ADAMTSL1: variants seen among roughly 807,000 people sequenced by gnomAD.
ADAMTSL1 encodes the protein ADAMTS-like protein 1.
ADAMTSL1 carries 126 observed loss-of-function variants against 201.8 expected under a neutral mutation model. The observed-to-expected ratio is 0.62, with a 90% CI of 0.54 to 0.72. The LOEUF (loss-of-function observed/expected upper bound fraction) is 0.72, where lower values mean the gene tolerates loss of function less well. Ranked by LOEUF, ADAMTSL1 falls within the 30% of genes least tolerant of loss-of-function variation. The pLI, the probability that ADAMTSL1 is intolerant of heterozygous loss-of-function variation, is 0.00. For missense variants in ADAMTSL1, 2,679 were observed against 2,277.8 expected (o/e 1.18, Z -3.59); for synonymous variants, 1,121 against 903.4 (o/e 1.24, Z -4.32).
chr9:18,790,459 C>G (rs1021484705), intron 19 of ADAMTSL1, among the ~76,000 whole-genome samples: 2 of 152,216 alleles, frequency 1.3e-5, no homozygotes, highest in African/African-American at 4.8e-5. Flanking sequence ...AACCTACTCA[C>G]AGAACTTCCA....
At chr9:18,368,386 T>C (rs1378715524) in intron 2 of ADAMTSL1, among the ~76,000 whole-genome samples, 3 of 152,220 alleles carry the variant, frequency 2.0e-5, no homozygotes, top group Admixed American at 6.5e-5. Flanking sequence ...CATGCCTTTG[T>C]AGAGATGCCT....
chr9:18,898,305 C>G (rs1285161542), intron 26 of ADAMTSL1, among the ~76,000 whole-genome samples: 1 of 152,162 alleles, frequency 6.6e-6, no homozygotes, highest in Non-Finnish European at 1.5e-5. Flanking sequence ...CCAGAATAGC[C>G]AGTTTAGAGG....
At chr9:18,674,503 C>T (rs1830023189) in intron 9 of ADAMTSL1, among the ~76,000 whole-genome samples, 2 of 151,900 alleles carry the variant, frequency 1.3e-5, no homozygotes, top group African/African-American at 4.8e-5. Context: ...CATCTCCAGC[C>T]AGTGCTATTT....
chr9:17,980,330 C>G (rs923572730), intron 1 of ADAMTSL1, among the ~76,000 whole-genome samples: 2 of 152,102 alleles, frequency 1.3e-5, no homozygotes, highest in Admixed American at 1.3e-4. Flanking sequence ...CCCACCACAT[C>G]TCTTTTTATT....
intron 1 of ADAMTSL1, among the ~76,000 whole-genome samples, chr9:18,499,679 T>C (rs1245625040): frequency 6.6e-6 from 1 of 152,244 alleles, no homozygotes; most frequent in Non-Finnish European, 1.5e-5. Flanking sequence ...AAATGCTGTC[T>C]GTCTGGAAGT....
intron 3 of ADAMTSL1, among the ~76,000 whole-genome samples, chr9:18,557,679 T>TAC (rs1241628564): frequency 2.0e-5 from 3 of 152,022 alleles, no homozygotes; most frequent in African/African-American, 7.2e-5. Context: ...AGAGAAATGC[T>TAC]ACAGTCTTCT....
In ADAMTSL1 at chr9:18,337,546, G is replaced by C. The variant is rs142206485; in HGVS notation, c.208-167283G>C. On this transcript the variant is annotated intron_variant, in intron 2 of 29. Transcript: ENST00000680146. ...ATCAGTATTCTCATTTTACAGATGA[G>C]GAAACTGAGACACAGTGAAATTATA... 9.2e-3 allele frequency among the ~76,000 whole-genome samples: 1,401 copies of C among 152,210 alleles called. 23 individuals are homozygous for C. Among genetic ancestry groups the C allele is most frequent in the South Asian group, 0.048 (230 of 4,826 alleles).
chr9:17,920,612 A>G (rs1237559300), intron 1 of ADAMTSL1, among the ~76,000 whole-genome samples: 3 of 152,136 alleles, frequency 2.0e-5, no homozygotes, highest in Non-Finnish European at 4.4e-5. Context: ...TGAGGAATCC[A>G]GTTCCATTTT....
At chr9:18,082,160 C>T (rs1301951564) in intron 1 of ADAMTSL1, among the ~76,000 whole-genome samples, 1 of 152,042 alleles carries the variant, frequency 6.6e-6, no homozygotes, top group Non-Finnish European at 1.5e-5. Context: ...TTTTGGACAG[C>T]AGGTTTATAT....
intron 2 of ADAMTSL1, among the ~76,000 whole-genome samples, chr9:18,179,528 C>T (rs542570848): frequency 1.3e-5 from 2 of 152,198 alleles, no homozygotes; most frequent in African/African-American, 4.8e-5. Context: ...ACAGAGAACA[C>T]CACAAAGATA....
intron 1 of ADAMTSL1, among the ~76,000 whole-genome samples, chr9:18,072,023 T>C (rs937481536): frequency 2.6e-5 from 4 of 152,208 alleles, no homozygotes; most frequent in African/African-American, 7.2e-5. Flanking sequence ...CTAAGGCTCT[T>C]AGCTGTCCCT....
At chr9:18,422,026 C>T (rs1818976012) in intron 2 of ADAMTSL1, among the ~76,000 whole-genome samples, 1 of 152,120 alleles carries the variant, frequency 6.6e-6, no homozygotes, top group Non-Finnish European at 1.5e-5. Context: ...TGATACAGAA[C>T]TAAATAAAAT....
intron 1 of ADAMTSL1, among the ~76,000 whole-genome samples, chr9:17,953,052 A>G (rs1827792473): frequency 1.3e-5 from 2 of 149,234 alleles, no homozygotes; most frequent in Admixed American, 1.3e-4. Context: ...TTTTGGAATC[A>G]CACTGACTGT....
intron 2 of ADAMTSL1, among the ~76,000 whole-genome samples, chr9:18,376,612 C>A (rs1837306719): frequency 6.6e-6 from 1 of 151,672 alleles, no homozygotes; most frequent in African/African-American, 2.4e-5. Context: ...CGAGACAAGC[C>A]TGGTCAACAT....
chr9:18,609,631 T>C (rs1825256101), intron 4 of ADAMTSL1, among the ~76,000 whole-genome samples: 1 of 152,110 alleles, frequency 6.6e-6, no homozygotes, highest in Non-Finnish European at 1.5e-5. Context: ...GGTTCCCAGA[T>C]CCCTAAGGCA....
chr9:18,819,860 G>T (rs1824101634), intron 21 of ADAMTSL1, among the ~76,000 whole-genome samples: 1 of 152,200 alleles, frequency 6.6e-6, no homozygotes, highest in South Asian at 2.1e-4. Context: ...GAATTTGCTG[G>T]ACAAGGAAAT....
intron 1 of ADAMTSL1, among the ~76,000 whole-genome samples, chr9:18,013,395 C>G (rs572161006): frequency 6.6e-6 from 1 of 151,880 alleles, no homozygotes; most frequent in Non-Finnish European, 1.5e-5. Flanking sequence ...TGATCATGGT[C>G]GAGAGTTCTG....
intron 1 of ADAMTSL1, among the ~76,000 whole-genome samples, chr9:17,954,724 C>G (rs1003657688): frequency 5.9e-5 from 9 of 151,952 alleles, no homozygotes; most frequent in Non-Finnish European, 7.4e-5. Flanking sequence ...AGTAGAAGAC[C>G]AGAGTTTTAG....
chr9:17,922,098 T>TG (rs1204345869), intron 1 of ADAMTSL1, among the ~76,000 whole-genome samples: 4 of 151,546 alleles, frequency 2.6e-5, no homozygotes, highest in African/African-American at 9.7e-5. Context: ...TTTTTTTTTT[T>TG]TTGTGGTGGA....
Sources: allele counts gnomAD v4.1 joint callset (sites outside exome capture counted in the v4.1 genomes callset), GRCh38; gene constraint gnomAD v4.1.1; transcripts MANE v1.5; gene names NCBI Gene and HGNC (gene_info 2026-07-23, HGNC 2026-07-21).